NRXN1: variants seen among roughly 807,000 people sequenced by gnomAD.
NRXN1 encodes the protein neurexin 1.
Under a neutral mutation model 150.9 loss-of-function variants are expected in NRXN1, and 39 were observed. The ratio of observed to expected loss-of-function variants is 0.26; its 90% CI spans 0.20 to 0.34. NRXN1 has a LOEUF of 0.34. Ranked by LOEUF, NRXN1 falls within the 10% of genes least tolerant of loss-of-function variation. The pLI is 1.00. For synonymous variants in NRXN1, 924 were observed against 757.0 expected (o/e 1.22, Z -3.62); for missense variants, 1,815 against 1,949.9 (o/e 0.93, Z 1.30).
chr2:49,964,415 C>A (rs1211090245), intron 21 of NRXN1, among the ~76,000 whole-genome samples: 2 of 150,676 alleles, frequency 1.3e-5, no homozygotes, highest in Non-Finnish European at 2.9e-5. Context: ...CCCGCCTCTA[C>A]TAAAAATACA....
At chr2:50,609,232 T>C (rs1003057704) in intron 8 of NRXN1, among the ~76,000 whole-genome samples, 1 of 152,176 alleles carries the variant, frequency 6.6e-6, no homozygotes, top group Non-Finnish European at 1.5e-5. Context: ...TAAATTCATC[T>C]GCAACCAGGA....
At position 50,333,550 on chromosome 2, in the gene NRXN1, G is replaced by GGAAAAGCTC. The variant is rs1297111903; in HGVS notation, c.3365-96581_3365-96580insGAGCTTTTC. Reference sequence around the variant, plus strand: ...CCATGGTACAAATGGGGCCTCTGGTGTGTCAGAAAAGCAACTGGAAAATGG... The same window carrying GGAAAAGCTC: ...CCATGGTACAAATGGGGCCTCTGGTGGAAAAGCTCTGTCAGAAAAGCAACTGGAAAATGG... On this transcript the variant is annotated intron_variant, in intron 17 of 22. Transcript: ENST00000401669. Among the ~76,000 whole-genome samples the GGAAAAGCTC allele has an allele frequency of 3.0e-4, 46 of 152,168 alleles. 1 individual carries two copies. Among genetic ancestry groups the GGAAAAGCTC allele is most frequent in the African/African-American group, 9.4e-4 (39 of 41,522 alleles).
At chr2:50,779,641 G>A (rs1231493923) in intron 5 of NRXN1, among the ~76,000 whole-genome samples, 1 of 152,102 alleles carries the variant, frequency 6.6e-6, no homozygotes, top group Non-Finnish European at 1.5e-5. Context: ...GGTGGCGGGT[G>A]CCTGTAGTCC....
intron 21 of NRXN1, among the ~76,000 whole-genome samples, chr2:49,979,898 TTTTTTTGG>T (rs1679679170): frequency 9.1e-6 from 1 of 109,874 alleles, no homozygotes; most frequent in South Asian, 3.1e-4. Flanking sequence ...TCTTATATTG[TTTTTTTGG>T]TTTTTTTTTT....
At chr2:50,311,861 C>G (rs190780000) in intron 17 of NRXN1, among the ~76,000 whole-genome samples, 3 of 151,932 alleles carry the variant, frequency 2.0e-5, no homozygotes, top group South Asian at 2.1e-4. Context: ...TGTCTGTAAA[C>G]CTAAATAAAT....
At chr2:50,379,035 T>G (rs995599050) in intron 17 of NRXN1, among the ~76,000 whole-genome samples, 1 of 152,056 alleles carries the variant, frequency 6.6e-6, no homozygotes, top group African/African-American at 2.4e-5. Flanking sequence ...GTATCTGTCA[T>G]GCAGCAGGCA....
intron 2 of NRXN1, among the ~76,000 whole-genome samples, chr2:50,974,956 T>A (rs921926768): frequency 6.6e-5 from 10 of 152,008 alleles, no homozygotes; most frequent in Admixed American, 2.0e-4. Flanking sequence ...ATGCCAACCA[T>A]GAGCCACTGA....
At position 50,506,578 on chromosome 2, in the gene NRXN1, T is replaced by C. The variant is rs753087756; in HGVS notation, c.2414A>G (p.Asn805Ser). 27 of 1,613,316 alleles carry C rather than the reference T, an allele frequency of 1.7e-5. No individual in the cohort carries two copies. The highest frequency in any genetic ancestry group is 9.9e-5 in the South Asian group (9 of 91,058). Reference sequence around the variant, plus strand: ...ACGCACTGTGTGCCACTCGTTATCATTGAGGTTATAGCCAGCAAAAAGAGT... The same window carrying C: ...ACGCACTGTGTGCCACTCGTTATCACTGAGGTTATAGCCAGCAAAAAGAGT... The part of the protein sequence containing the change: ...PETLFAGYNL[N>S]DNEWHTVRVV... The change falls in exon 13 of 23, where the codon AAT (asparagine) becomes AGT (serine). Residue 805 changes from asparagine (N) to serine (S), a missense_variant. By Grantham distance (46) the Asn-to-Ser change is conservative. Transcript: ENST00000401669.
intron 5 of NRXN1, among the ~76,000 whole-genome samples, chr2:50,818,630 T>G (rs1353710664): frequency 6.6e-6 from 1 of 151,964 alleles, no homozygotes; most frequent in Non-Finnish European, 1.5e-5. Flanking sequence ...AATGATTTCC[T>G]GAATACGACA....
At chr2:50,156,057 G>A (rs1025266546) in intron 18 of NRXN1, among the ~76,000 whole-genome samples, 3 of 151,556 alleles carry the variant, frequency 2.0e-5, no homozygotes. Context: ...TTTATCTCTG[G>A]ATGGTGAGAT....
chr2:50,569,921 G>C (rs72835375), intron 8 of NRXN1, among the ~76,000 whole-genome samples: 2,670 of 152,136 alleles, frequency 0.018, 67 homozygotes, highest in Admixed American at 0.062. Context: ...GCACTGTGAA[G>C]GATTATAAAA....
At chr2:50,825,512 A>G (rs1321678399) in intron 5 of NRXN1, among the ~76,000 whole-genome samples, 1 of 152,146 alleles carries the variant, frequency 6.6e-6, no homozygotes, top group Non-Finnish European at 1.5e-5. Context: ...TAATAACTCA[A>G]AAGGACTGGA....
chr2:50,293,593 C>G (rs2073208665), intron 17 of NRXN1, among the ~76,000 whole-genome samples: 1 of 152,068 alleles, frequency 6.6e-6, no homozygotes, highest in Non-Finnish European at 1.5e-5. Context: ...ACATGGAACT[C>G]AAGTAGAACT....
chr2:50,032,162 TGA>T, intron 21 of NRXN1, among the ~76,000 whole-genome samples: 1 of 152,058 alleles, frequency 6.6e-6, no homozygotes, highest in African/African-American at 2.4e-5. Flanking sequence ...AGAAAGAATA[TGA>T]TTCTAAATAT....
chr2:50,964,209 T>C (rs1156229891), intron 2 of NRXN1, among the ~76,000 whole-genome samples: 2 of 151,578 alleles, frequency 1.3e-5, no homozygotes, highest in African/African-American at 4.8e-5. Context: ...CTGTTAATCA[T>C]CTCAAACTTT....
At chr2:50,957,000 C>T (rs1414096973) in intron 2 of NRXN1, among the ~76,000 whole-genome samples, 1 of 151,976 alleles carries the variant, frequency 6.6e-6, no homozygotes, top group Non-Finnish European at 1.5e-5. Context: ...TAATATGAAG[C>T]AATAAGGATG....
At chr2:50,791,805 C>G (rs1468362916) in intron 5 of NRXN1, among the ~76,000 whole-genome samples, 4 of 152,000 alleles carry the variant, frequency 2.6e-5, no homozygotes, top group Non-Finnish European at 5.9e-5. Context: ...CCCTTCACAC[C>G]AAATTGCAGT....
chr2:50,424,124 A>AGGT (rs1402552533), intron 17 of NRXN1, among the ~76,000 whole-genome samples: 1 of 107,066 alleles, frequency 9.3e-6, no homozygotes, highest in Non-Finnish European at 1.8e-5. Context: ...AAGAAGAAGG[A>AGGT]GGCGGAGGAG....
At chr2:50,766,639 C>A in intron 5 of NRXN1, among the ~76,000 whole-genome samples, 1 of 151,912 alleles carries the variant, frequency 6.6e-6, no homozygotes, top group East Asian at 1.9e-4. Context: ...CAAAATGATA[C>A]CAGTTAGTAT....
Sources: gnomAD v4.1 joint callset for allele counts (sites outside exome capture counted in the v4.1 genomes callset) on GRCh38, gnomAD v4.1.1 for gene constraint, MANE v1.5 for transcripts, NCBI Gene and HGNC (gene_info 2026-07-23, HGNC 2026-07-21) for gene names.